Variants in GABRB1 observed in about 807,000 individuals in gnomAD.
The protein encoded by GABRB1 is gamma-aminobutyric acid type A receptor subunit beta1, also known as gamma-aminobutyric acid receptor subunit beta-1.
Under a neutral mutation model 51.6 loss-of-function variants are expected in GABRB1, and 17 were observed. The ratio of observed to expected loss-of-function variants is 0.33; its 90% CI spans 0.23 to 0.49. The LOEUF (loss-of-function observed/expected upper bound fraction) is 0.49. GABRB1 is among the 20% of genes least tolerant of loss of function. The pLI is 0.99. For missense variants in GABRB1, 410 were observed against 600.6 expected, an observed-to-expected ratio of 0.68 and a Z score of 3.32; for synonymous variants, 247 against 218.9, an observed-to-expected ratio of 1.13 and a Z score of -1.14.
chr4:47,108,545 T>C (rs569073151), intron 3 of GABRB1, among the ~76,000 whole-genome samples: 2 of 152,018 alleles, frequency 1.3e-5, no homozygotes, highest in South Asian at 4.1e-4. Flanking sequence ...TAATTATTTC[T>C]CAGCACAAAG....
At chr4:47,300,435 T>A (rs1257156005) in intron 4 of GABRB1, among the ~76,000 whole-genome samples, 2 of 152,236 alleles carry the variant, frequency 1.3e-5, no homozygotes, top group Admixed American at 1.3e-4. Flanking sequence ...GTCAGAATAA[T>A]GATCCAGTTT....
intron 8 of GABRB1, among the ~76,000 whole-genome samples, chr4:47,410,874 G>A (rs1475394923): frequency 1.3e-5 from 2 of 152,142 alleles, no homozygotes; most frequent in African/African-American, 2.4e-5. Context: ...ACAAGAATAA[G>A]GGATTCCCCT....
At chr4:47,294,960 T>C (rs1235271329) in intron 4 of GABRB1, among the ~76,000 whole-genome samples, 1 of 152,214 alleles carries the variant, frequency 6.6e-6, no homozygotes, top group Non-Finnish European at 1.5e-5. Context: ...GAAAATCCGC[T>C]GTTCTGCAGC....
chr4:47,265,215 T>C (rs530994638), intron 4 of GABRB1, among the ~76,000 whole-genome samples: 72 of 152,288 alleles, frequency 4.7e-4, no homozygotes, highest in African/African-American at 1.7e-3. Flanking sequence ...TGACTTTCTG[T>C]GTCTGAGTTA....
chr4:47,234,993 T>C (rs890806214), intron 4 of GABRB1, among the ~76,000 whole-genome samples: 4 of 152,214 alleles, frequency 2.6e-5, no homozygotes, highest in Non-Finnish European at 4.4e-5. Flanking sequence ...TTTTACATTG[T>C]TCTATCTTGT....
At chr4:47,204,646 C>T (rs760763056) in intron 4 of GABRB1, among the ~76,000 whole-genome samples, 2 of 152,092 alleles carry the variant, frequency 1.3e-5, no homozygotes, top group African/African-American at 2.4e-5. Flanking sequence ...CTTTCCCGTC[C>T]TATTCTCATA....
chr4:47,236,986 C>T (rs77193530), intron 4 of GABRB1, among the ~76,000 whole-genome samples: 255 of 152,002 alleles, frequency 1.7e-3, no homozygotes, highest in Non-Finnish European at 2.6e-3. Flanking sequence ...TTGAAATGAA[C>T]GTATTTGGCA....
intron 4 of GABRB1, among the ~76,000 whole-genome samples, chr4:47,298,233 C>T (rs1258765245): frequency 6.6e-6 from 1 of 152,156 alleles, no homozygotes; most frequent in Non-Finnish European, 1.5e-5. Context: ...GTTGGAAGTT[C>T]TGGCCAGGGC....
chr4:47,296,571 T>G (rs1228233234), intron 4 of GABRB1, among the ~76,000 whole-genome samples: 1 of 152,176 alleles, frequency 6.6e-6, no homozygotes, highest in Non-Finnish European at 1.5e-5. Flanking sequence ...ATCCTAAATA[T>G]ATATGCACCC....
chr4:47,108,954 C>T (rs547727132), intron 3 of GABRB1, among the ~76,000 whole-genome samples: 34 of 152,078 alleles, frequency 2.2e-4, no homozygotes, highest in African/African-American at 3.6e-4. Flanking sequence ...GTTTGCTTCC[C>T]GAGGTGAAGT....
intron 3 of GABRB1, among the ~76,000 whole-genome samples, chr4:47,107,330 G>C (rs758607902): frequency 1.3e-5 from 2 of 151,990 alleles, no homozygotes; most frequent in East Asian, 3.9e-4. Flanking sequence ...CTTTTCTGAT[G>C]GGTGGATATA....
intron 3 of GABRB1, among the ~76,000 whole-genome samples, chr4:47,092,196 G>A (rs1212364781): frequency 2.9e-5 from 2 of 67,820 alleles, no homozygotes; most frequent in Non-Finnish European, 5.2e-5. Context: ...TTTTGAGACC[G>A]AGTTTTGCTC....
chr4:47,069,506 T>C (rs1385907298), intron 3 of GABRB1, among the ~76,000 whole-genome samples: 1 of 152,242 alleles, frequency 6.6e-6, no homozygotes, highest in Non-Finnish European at 1.5e-5. Context: ...GCCAATATTC[T>C]GTAGTTTCTA....
chr4:47,118,812 GAT>G (rs1715618708), intron 3 of GABRB1, among the ~76,000 whole-genome samples: 1 of 152,080 alleles, frequency 6.6e-6, no homozygotes, highest in Admixed American at 6.5e-5. Flanking sequence ...GCTAAATAGA[GAT>G]ATGCCAGCTG....
At chr4:47,327,014 ATG>A (rs1725286433) in intron 5 of GABRB1, among the ~76,000 whole-genome samples, 1 of 152,226 alleles carries the variant, frequency 6.6e-6, no homozygotes, top group East Asian at 1.9e-4. Context: ...TAGTGAATGT[ATG>A]CTAAATTTCT....
chr4:47,323,860 TG>T (rs1402936861), intron 5 of GABRB1, among the ~76,000 whole-genome samples: 1 of 152,220 alleles, frequency 6.6e-6, no homozygotes, highest in African/African-American at 2.4e-5. Flanking sequence ...TGCTTGAACT[TG>T]GAGCAGATTA....
chr4:47,086,985 GA>G (rs1440734361), intron 3 of GABRB1, among the ~76,000 whole-genome samples: 8 of 152,294 alleles, frequency 5.3e-5, no homozygotes, highest in African/African-American at 1.2e-4. Context: ...GTTCCATGGT[GA>G]AGTGGGGAAA....
rs780797468 is a variant in GABRB1 at position 47,406,712 on chromosome 4, T to A, written c.866T>A (p.Ile289Asn). 1 of 1,614,182 alleles carries A rather than the reference T, an allele frequency of 6.2e-7. No individual in the cohort carries two copies. ...GITTVLTMTT[I>N]STHLRETLPK... ...ACGACAGTGCTTACAATGACAACCATCAGCACCCACCTCAGGGAGACCCTG... is the reference window on the plus strand; with the variant it reads ...ACGACAGTGCTTACAATGACAACCAACAGCACCCACCTCAGGGAGACCCTG... The change falls in exon 8 of 9, where the codon ATC becomes AAC. Residue 289 changes from isoleucine to asparagine, a missense_variant. This residue lies in a region of GABRB1 where 37 missense variants were observed against 126.3 expected (regional missense o/e 0.29). Transcript: ENST00000295454.
intron 4 of GABRB1, among the ~76,000 whole-genome samples, chr4:47,253,688 T>C (rs939275098): frequency 1.3e-5 from 2 of 152,194 alleles, no homozygotes; most frequent in African/African-American, 4.8e-5. Context: ...CGAATGAAAT[T>C]AAGATAATTA....
Sources: gnomAD v4.1 joint callset for allele counts (sites outside exome capture counted in the v4.1 genomes callset) on GRCh38, gnomAD v4.1.1 for gene constraint, gnomAD v4.1.1 regional missense constraint, MANE v1.5 for transcripts, NCBI Gene and HGNC (gene_info 2026-07-23, HGNC 2026-07-21) for gene names.